BRWD1: variants seen among roughly 807,000 people sequenced by gnomAD.
The protein encoded by BRWD1 is bromodomain and WD repeat-containing protein 1.
A neutral mutation model predicts 251.2 loss-of-function variants in BRWD1; 82 were observed. The observed-to-expected ratio is 0.33, with a 90% CI of 0.27 to 0.39. The LOEUF (loss-of-function observed/expected upper bound fraction) is 0.39, where lower values mean the gene tolerates loss of function less well. Ranked by LOEUF, BRWD1 falls within the 10% of genes least tolerant of loss-of-function variation. The probability of loss-of-function intolerance (pLI) is 1.00; values close to 1 mark genes in which losing one functional copy is unlikely to be tolerated. For synonymous variants in BRWD1, 918 were observed against 902.8 expected, an observed-to-expected ratio of 1.02 and a Z score of -0.30; for missense variants, 2,233 against 2,711.6, an observed-to-expected ratio of 0.82 and a Z score of 3.92.
At chr21:39,284,024 G>A (rs904078954) in intron 8 of BRWD1, among the ~76,000 whole-genome samples, 1 of 152,114 alleles carries the variant, frequency 6.6e-6, no homozygotes, top group Non-Finnish European at 1.5e-5. Context: ...CATTTTGAGT[G>A]ACTACCTAGT....
intron 31 of BRWD1, chr21:39,216,737 A>T (rs2032908052): frequency 2.4e-6 from 1 of 415,000 alleles, no homozygotes; most frequent in East Asian, 7.0e-5. Context: ...TCACAACAAA[A>T]GTAAAGCCTG....
rs141689278 is a variant in BRWD1 at position 39,281,760 on chromosome 21, C to G, written c.832-1512G>C. ...GCGGATGCCCATAATCCCAGCTACT[C>G]AGGAGGCTGAGGCAGGAGAATCGCT... is the stretch of plus-strand genomic sequence containing the variant. On this transcript the variant is annotated intron_variant, in intron 8 of 40. Coordinates refer to ENST00000342449, the MANE Select transcript of BRWD1 (RefSeq NM_033656.4). 4.2e-3 allele frequency among the ~76,000 whole-genome samples: 637 copies of G among 152,152 alleles called. 5 individuals carry two copies. Among genetic ancestry groups the G allele is most frequent in the African/African-American group, 0.014 (599 of 41,528 alleles).
chr21:39,242,158 C>T (rs2034026671), intron 21 of BRWD1, among the ~76,000 whole-genome samples: 1 of 152,222 alleles, frequency 6.6e-6, no homozygotes, highest in African/African-American at 2.4e-5. Flanking sequence ...AAAAGCTAGG[C>T]CTCTTGCACC....
In BRWD1 at chr21:39,308,066, A is replaced by G. The variant is rs1005073365; in HGVS notation, c.198+4775T>C. Among the ~76,000 whole-genome samples the G allele has an allele frequency of 3.9e-5, 6 of 152,222 alleles. 1 individual carries two copies. The highest frequency in any genetic ancestry group is 4.2e-4 in the South Asian group (2 of 4,814). ...GGTTTTGTAAACTTTTTTTCTACAGATGAGGTGTTGCTTATGTTGCCCAGG... is the reference window on the plus strand; with the variant it reads ...GGTTTTGTAAACTTTTTTTCTACAGGTGAGGTGTTGCTTATGTTGCCCAGG... On this transcript the variant is annotated intron_variant, in intron 4 of 40. Coordinates refer to ENST00000342449, the MANE Select transcript of BRWD1 (RefSeq NM_033656.4).
chr21:39,237,247 G>A (rs1266551039), intron 22 of BRWD1, among the ~76,000 whole-genome samples: 1 of 152,048 alleles, frequency 6.6e-6, no homozygotes, highest in Non-Finnish European at 1.5e-5. Context: ...GAAGCCCAAG[G>A]GAAGCATAGC....
intron 8 of BRWD1, among the ~76,000 whole-genome samples, chr21:39,284,180 T>G (rs2035558935): frequency 6.6e-6 from 1 of 152,208 alleles, no homozygotes; most frequent in Non-Finnish European, 1.5e-5. Context: ...GCCAATCTTT[T>G]TTTGTGAAGA....
chr21:39,255,883 T>A, intron 18 of BRWD1, 55 bp from the exon 19 acceptor site: 1 of 1,501,800 alleles, frequency 6.7e-7, no homozygotes, highest in Non-Finnish European at 9.2e-7. Flanking sequence ...TAATATACAT[T>A]TAGCATGTAA....
At chr21:39,314,430 G>C (rs1182004934), upstream of BRWD1, 2 of 428,340 alleles carry the variant, frequency 4.7e-6, no homozygotes, top group East Asian at 1.4e-4. Flanking sequence ...ACAGGAAAAC[G>C]GGACTGTGGG....
chr21:39,266,019 T>C (rs1374343943), intron 15 of BRWD1, among the ~76,000 whole-genome samples: 2 of 152,058 alleles, frequency 1.3e-5, no homozygotes, highest in Non-Finnish European at 2.9e-5. Context: ...TGTAGAGCTA[T>C]GCATATTTGT....
chr21:39,249,915 G>GT (rs1568915296), intron 20 of BRWD1, among the ~76,000 whole-genome samples: 4,219 of 68,536 alleles, frequency 0.062, 86 homozygotes, highest in African/African-American at 0.13. Flanking sequence ...AAAGAAGGGG[G>GT]GTGTGTGTGT....
chr21:39,215,968 C>T (rs536227408), intron 31 of BRWD1, among the ~76,000 whole-genome samples: 1 of 149,902 alleles, frequency 6.7e-6, no homozygotes, highest in South Asian at 2.1e-4. Flanking sequence ...CCACTGCACT[C>T]CAGCCTGGGT....
chr21:39,235,840 C>A, intron 23 of BRWD1: 1 of 167,924 alleles, frequency 6.0e-6, no homozygotes, highest in South Asian at 1.5e-4. Context: ...CCCAAGAGCT[C>A]CACAGCTCCC....
chr21:39,191,431 A>G lies in BRWD1; in HGVS notation c.*4828T>C. Reference sequence around the variant, plus strand: ...TTGTTTTTTAACTCTTTTGCTTGTTAAGATGAAAATGCTAAATTTATTATA... The same window carrying G: ...TTGTTTTTTAACTCTTTTGCTTGTTGAGATGAAAATGCTAAATTTATTATA... On this transcript the variant is annotated 3_prime_UTR_variant, in exon 41 of 41. Coordinates refer to ENST00000342449, the MANE Select transcript of BRWD1 (RefSeq NM_033656.4). The G allele has an allele frequency of 2.0e-6, 2 of 984,906 alleles. No homozygotes were observed. Among genetic ancestry groups the G allele is most frequent in the Non-Finnish European group, 2.4e-6 (2 of 829,468 alleles). The allele number at this position is 984,906 out of a possible 1,614,324, so 61.0% of individuals were successfully genotyped here. A position where few individuals can be genotyped will look rare whatever the true frequency, so the allele number is the denominator to read the frequency against.
intron 13 of BRWD1, among the ~76,000 whole-genome samples, chr21:39,274,078 T>C (rs1268855106): frequency 8.5e-5 from 13 of 152,210 alleles, no homozygotes; most frequent in Non-Finnish European, 2.9e-5. Flanking sequence ...TTTTATCTTT[T>C]TTACTTGTAG....
intron 1 of BRWD1, 22 bp downstream of exon 1, chr21:39,313,421 G>A (rs780930440): frequency 4.9e-6 from 7 of 1,440,946 alleles, no homozygotes; most frequent in African/African-American, 3.0e-5. Context: ...CAGGGCGGGG[G>A]TGGCACGGCC....
chr21:39,313,389 A>T, intron 1 of BRWD1, 54 bp downstream of exon 1: 4 of 1,422,274 alleles, frequency 2.8e-6, no homozygotes, highest in Non-Finnish European at 3.7e-6. Context: ...GGAGCCGGGG[A>T]AGCCGAAGCA....
intron 4 of BRWD1, among the ~76,000 whole-genome samples, chr21:39,307,490 T>G (rs994354691): frequency 6.6e-6 from 1 of 152,208 alleles, no homozygotes; most frequent in Admixed American, 6.5e-5. Flanking sequence ...ACATATTATA[T>G]GTATATATAC....
chr21:39,214,648 A>G (rs369691474), intron 32 of BRWD1, among the ~76,000 whole-genome samples: 9 of 152,226 alleles, frequency 5.9e-5, no homozygotes, highest in East Asian at 1.9e-4. Context: ...TTAACATTTC[A>G]TAAGTATACC....
chr21:39,200,502 T>C, intron 38 of BRWD1, 116 bp from the exon 39 acceptor site: 1 of 821,498 alleles, frequency 1.2e-6, no homozygotes, highest in South Asian at 2.9e-5. Flanking sequence ...AGCAGATTCC[T>C]AAAATGCTTA....
Sources: allele counts gnomAD v4.1 joint callset (sites outside exome capture counted in the v4.1 genomes callset), GRCh38; gene constraint gnomAD v4.1.1; transcripts MANE v1.5; gene names NCBI Gene and HGNC (gene_info 2026-07-23, HGNC 2026-07-21).